The following PDE7A variants were observed in gnomAD, a reference collection of about 807,000 sequenced individuals.
The protein encoded by PDE7A is phosphodiesterase 7A.
Under a neutral mutation model 64.3 loss-of-function variants are expected in PDE7A, and 39 were observed. That is an observed-to-expected ratio of 0.61 (90% CI 0.47 to 0.79). The LOEUF is 0.79. Ranked by LOEUF, PDE7A falls within the 30% of genes least tolerant of loss-of-function variation. The pLI is 0.00. For synonymous variants in PDE7A, 203 were observed against 206.8 expected, an observed-to-expected ratio of 0.98 and a Z score of 0.16; for missense variants, 470 against 582.8, an observed-to-expected ratio of 0.81 and a Z score of 1.99.
Position 65,755,317 on chromosome 8 carries a change from G to A in PDE7A, c.284-7514C>T, listed in dbSNP as rs113297362. Among the ~76,000 whole-genome samples, 17 of 152,080 alleles carry A rather than the reference G, an allele frequency of 1.1e-4. 1 individual carries two copies. The highest frequency in any genetic ancestry group is 3.6e-4 in the African/African-American group (15 of 41,496). On this transcript the variant is annotated intron_variant, in intron 3 of 12. Transcript: ENST00000401827. ...ATTACAGGCATGAGCCATCATGCCC[G>A]GCCCATTATTGCCTTTTTAAAATTT...
intron 8 of PDE7A, 86 bp from the exon 9 acceptor site, chr8:65,727,052 T>C (rs1242973592): frequency 1.4e-5 from 14 of 981,468 alleles, no homozygotes; most frequent in Non-Finnish European, 2.3e-5. Context: ...GCAATATTAA[T>C]CTGGTTAAAA....
In PDE7A at chr8:65,841,457, G is replaced by GGGGGAC. The variant is rs1485173786; in HGVS notation, c.46_51dup (p.Val16_Pro17dup). ...GCTCCTCGGCGGCTGAGGACGTGCTGGGGGACCGGCCTGTCCAGGGGCAGT... is the reference window on the plus strand; with the variant it reads ...GCTCCTCGGCGGCTGAGGACGTGCTGGGGGACGGGGACCGGCCTGTCCAGGGGCAGT... On this transcript the variant is annotated inframe_insertion, in exon 1 of 13. Coordinates refer to ENST00000401827, the MANE Select transcript of PDE7A (RefSeq NM_001242318.3). 6.4e-7 allele frequency: 1 copy of GGGGGAC among 1,565,014 alleles called. No homozygotes were observed. Among genetic ancestry groups the GGGGGAC allele is most frequent in the Non-Finnish European group, 8.6e-7 (1 of 1,160,232 alleles).
intron 6 of PDE7A, among the ~76,000 whole-genome samples, chr8:65,737,120 T>A (rs1484986541): frequency 5.3e-5 from 8 of 152,072 alleles, no homozygotes; most frequent in East Asian, 3.9e-4. Context: ...ACAAACAAAC[T>A]AACTAAAAAC....
rs557351160 is a variant in PDE7A, at chr8:65,727,182, T to C, written c.816A>G (p.Ala272=). 8.7e-5 allele frequency: 139 copies of C among 1,590,880 alleles called. 2 individuals carry two copies. The South Asian group carries it at 1.5e-3, about 17-fold the overall frequency. The change falls in exon 8 of 13, where the codon GCA becomes GCG. Residue 272 remains alanine, a synonymous_variant. Coordinates refer to ENST00000401827, the MANE Select transcript of PDE7A (RefSeq NM_001242318.3). ...AAATTGCACTAACCTTGTATAAAGT[T>C]GCCAAGTAATGGTTAGTTTTAATAA... ...PFLIKTNHYL[A]TLYKNTSVLE... is the part of the protein sequence containing the mutation.
At chr8:65,796,393 T>C (rs1809845210) in intron 1 of PDE7A, among the ~76,000 whole-genome samples, 3 of 151,864 alleles carry the variant, frequency 2.0e-5, no homozygotes, top group Non-Finnish European at 4.4e-5. Flanking sequence ...GACAATGACA[T>C]TACAAGAAAA....
intron 2 of PDE7A, among the ~76,000 whole-genome samples, chr8:65,780,234 T>C (rs1305555928): frequency 6.6e-6 from 1 of 152,148 alleles, no homozygotes; most frequent in Admixed American, 6.5e-5. Flanking sequence ...AACATATTTA[T>C]TAAGAGCCGA....
At chr8:65,831,215 C>T (rs554834233) in intron 1 of PDE7A, among the ~76,000 whole-genome samples, 5 of 152,166 alleles carry the variant, frequency 3.3e-5, no homozygotes, top group African/African-American at 1.2e-4. Context: ...ATCATTAGTG[C>T]TAACCTTTCT....
At chr8:65,761,064 CTTT>C (rs748642226) in intron 3 of PDE7A, among the ~76,000 whole-genome samples, 1 of 143,080 alleles carries the variant, frequency 7.0e-6, no homozygotes. Flanking sequence ...ATTGTTTTTT[CTTT>C]TTTTTTTTTT....
At position 65,734,861 on chromosome 8, in the gene PDE7A, G is replaced by C. The variant is rs753005845; in HGVS notation, c.629C>G (p.Pro210Arg). 4.3e-6 allele frequency: 7 copies of C among 1,611,988 alleles called. No individual in the cohort carries two copies. The highest frequency in any genetic ancestry group is 5.9e-6 in the Non-Finnish European group (7 of 1,178,256). Residue 210 changes from proline to arginine, a missense_variant, in exon 7 of 13, where the codon CCT (proline) becomes CGT (arginine). By Grantham distance (103) the Pro-to-Arg change is moderately radical. Transcript: ENST00000401827. ...CGCAGCGTGGACTGCGTTATGGTAA[G>C]GATTTTGACTGTGGTAATCTTCTTG... ...MIQEDYHSQNPYHNAVHAADV... is the reference protein window; with the variant it reads ...MIQEDYHSQNRYHNAVHAADV...
chr8:65,733,475 G>A (rs1285302662), intron 7 of PDE7A, among the ~76,000 whole-genome samples: 2 of 152,064 alleles, frequency 1.3e-5, no homozygotes, highest in Non-Finnish European at 2.9e-5. Context: ...TAAAAATTGG[G>A]GTGGGCAATA....
At chr8:65,805,920 CTGTT>C (rs1052706385) in intron 1 of PDE7A, among the ~76,000 whole-genome samples, 1 of 152,180 alleles carries the variant, frequency 6.6e-6, no homozygotes, top group Non-Finnish European at 1.5e-5. Flanking sequence ...TCTTACATCA[CTGTT>C]TGAGCAAAAA....
At chr8:65,821,161 T>C (rs778404945) in intron 1 of PDE7A, among the ~76,000 whole-genome samples, 2 of 152,062 alleles carry the variant, frequency 1.3e-5, no homozygotes, top group Non-Finnish European at 2.9e-5. Context: ...TTTTTGACTT[T>C]TTAAAAAAAC....
chr8:65,833,739 G>A (rs543944305), intron 1 of PDE7A, among the ~76,000 whole-genome samples: 6 of 152,202 alleles, frequency 3.9e-5, no homozygotes, highest in South Asian at 2.1e-4. Flanking sequence ...CAAGGTGGGC[G>A]GATCACTTGA....
In PDE7A at chr8:65,828,586, T is replaced by C. The variant is rs116423834; in HGVS notation, c.138+12785A>G. On this transcript the variant is annotated intron_variant, in intron 1 of 12. Coordinates refer to ENST00000401827, the MANE Select transcript of PDE7A (RefSeq NM_001242318.3). ...CATATATCTTAGCAAAGTTTTGCAA[T>C]TGCCCCTTTGGACAAATTCCAGGAC... Among the ~76,000 whole-genome samples the C allele has an allele frequency of 3.6e-3, 554 of 152,232 alleles. 2 individuals carry two copies. The highest frequency in any genetic ancestry group is 0.013 in the African/African-American group (527 of 41,556).
chr8:65,729,957 A>G (rs1806783233), intron 7 of PDE7A, among the ~76,000 whole-genome samples: 2 of 151,956 alleles, frequency 1.3e-5, no homozygotes, highest in Non-Finnish European at 1.5e-5. Flanking sequence ...CAAAAGGACA[A>G]GGCGGTCCTC....
intron 1 of PDE7A, among the ~76,000 whole-genome samples, chr8:65,812,052 C>T (rs1810269896): frequency 6.8e-6 from 1 of 148,088 alleles, no homozygotes; most frequent in Admixed American, 6.8e-5. Flanking sequence ...ACAAAAAATA[C>T]AAAAAATTAG....
At chr8:65,781,292 A>T (rs186733843) in intron 2 of PDE7A, among the ~76,000 whole-genome samples, 451 of 152,172 alleles carry the variant, frequency 3.0e-3, no homozygotes, top group Non-Finnish European at 4.3e-3. Context: ...AGTCAATGGC[A>T]AGGCAAGAGG....
At position 65,826,015 on chromosome 8, in the gene PDE7A, T is replaced by A. The variant is rs145107449; in HGVS notation, c.138+15356A>T. Among the ~76,000 whole-genome samples, 1,077 of 152,232 alleles carry A rather than the reference T, an allele frequency of 7.1e-3. 6 individuals are homozygous for A. Among genetic ancestry groups the A allele is most frequent in the Non-Finnish European group, 0.01 (701 of 68,002 alleles). On this transcript the variant is annotated intron_variant, in intron 1 of 12. Transcript: ENST00000401827. The stretch of plus-strand genomic sequence containing the variant: ...GAAGGCTCCTCTGCAAAGACTGGGC[T>A]GACACTTGAATGACATGGAGCCATG...
chr8:65,741,041 TGGAAAAA>T (rs1807406202), intron 5 of PDE7A, among the ~76,000 whole-genome samples: 3 of 152,248 alleles, frequency 2.0e-5, no homozygotes, highest in Admixed American at 6.5e-5. Flanking sequence ...AAATTAAATT[TGGAAAAA>T]CTACCATTTT....
Sources: allele counts gnomAD v4.1 joint callset (sites outside exome capture counted in the v4.1 genomes callset), GRCh38; gene constraint gnomAD v4.1.1; transcripts MANE v1.5; gene names NCBI Gene and HGNC (gene_info 2026-07-23, HGNC 2026-07-21).